ENPP2: variants seen among roughly 807,000 people sequenced by gnomAD.
ENPP2 encodes ectonucleotide pyrophosphatase/phosphodiesterase 2, also known as autotaxin.
A neutral mutation model predicts 120.2 loss-of-function variants in ENPP2; 51 were observed. The ratio of observed to expected loss-of-function variants is 0.42; its 90% CI spans 0.34 to 0.54. The LOEUF is 0.54. Among genes scored for constraint, ENPP2 ranks in the 20% least tolerant of loss-of-function variants. The pLI is 0.04. For missense variants in ENPP2, 920 were observed against 1,066.5 expected (o/e 0.86, Z 1.91); for synonymous variants, 365 against 366.4 (o/e 1.00, Z 0.04).
intron 1 of ENPP2, among the ~76,000 whole-genome samples, chr8:119,646,999 T>TC (rs1491587372): frequency 4.6e-5 from 6 of 130,718 alleles, no homozygotes; most frequent in South Asian, 2.3e-4. Context: ...AATCTCTCTC[T>TC]TTTTTTTTTT....
intron 8 of ENPP2, among the ~76,000 whole-genome samples, chr8:119,611,755 G>A (rs13265442): frequency 0.017 from 2,519 of 152,288 alleles, 35 homozygotes; most frequent in Non-Finnish European, 0.024. Context: ...GCCGGGCGCC[G>A]TGGCTCACAC....
At chr8:119,594,019 G>A (rs1222641345) in intron 11 of ENPP2, among the ~76,000 whole-genome samples, 159 bp from the exon 12 acceptor site, 1 of 152,044 alleles carries the variant, frequency 6.6e-6, no homozygotes, top group Non-Finnish European at 1.5e-5. Context: ...AATGAAATCT[G>A]GTCTAAGCAC....
chr8:119,606,742 A>G (rs1446197215), intron 9 of ENPP2, among the ~76,000 whole-genome samples: 1 of 152,104 alleles, frequency 6.6e-6, no homozygotes, highest in Non-Finnish European at 1.5e-5. Context: ...GAGTATAGAC[A>G]GTACCGTTCT....
rs1278913849 is a variant in ENPP2 at position 119,607,912 on chromosome 8, G to C, written c.833+10C>G. 3 of 1,558,490 alleles carry C rather than the reference G, an allele frequency of 1.9e-6. No individual in the cohort carries two copies. The South Asian group carries it at 3.5e-5, about 18-fold the overall frequency. On this transcript the variant is annotated intron_variant, in intron 9 of 24. Transcript: ENST00000075322. ...ATTTTATAAACATTGACAAAATAAA[G>C]GTAACTTACACAGACCAAAAGAATG... is the stretch of plus-strand genomic sequence containing the variant.
At chr8:119,572,278 G>C in intron 19 of ENPP2, 1 of 1,488,866 alleles carries the variant, frequency 6.7e-7, no homozygotes, top group Non-Finnish European at 9.2e-7. Context: ...AAAATTCTTT[G>C]AGAAGCTATT....
At chr8:119,589,564 G>T (rs58198422) in intron 13 of ENPP2, among the ~76,000 whole-genome samples, 4,625 of 152,226 alleles carry the variant, frequency 0.03, 214 homozygotes, top group African/African-American at 0.1. Flanking sequence ...CAGTCTATGC[G>T]AGGGCAGAAA....
intron 15 of ENPP2, 98 bp from the exon 16 acceptor site, chr8:119,584,147 T>G (rs1812945079): frequency 9.2e-6 from 7 of 757,754 alleles, no homozygotes; most frequent in Non-Finnish European, 1.6e-5. Context: ...AGAAGGGGCT[T>G]TTGAAAGTTT....
rs75399440 is a variant in ENPP2 at position 119,615,384 on chromosome 8, T to C, written c.777+881A>G. Among the ~76,000 whole-genome samples, 1,189 of 152,296 alleles carry C rather than the reference T, an allele frequency of 7.8e-3. 20 individuals are homozygous for C. Among genetic ancestry groups the C allele is most frequent in the African/African-American group, 0.028 (1,149 of 41,564 alleles). ...GATTCTGATACTTCTGGCCAGAAGC[T>C]TGTACACTTCAGCCCAGCTCTGCAC... On this transcript the variant is annotated intron_variant, in intron 8 of 24. Coordinates refer to ENST00000075322, the MANE Select transcript of ENPP2 (RefSeq NM_001040092.3).
intron 19 of ENPP2, among the ~76,000 whole-genome samples, chr8:119,579,798 G>A (rs1175631281): frequency 6.6e-6 from 1 of 151,988 alleles, no homozygotes; most frequent in Admixed American, 6.6e-5. Context: ...ATTTATCATT[G>A]TGACTATCAT....
intron 1 of ENPP2, among the ~76,000 whole-genome samples, chr8:119,669,756 TAGTGTGTATCTATACCTGAGAA>T (rs1221810738): frequency 1.1e-4 from 17 of 151,854 alleles, no homozygotes; most frequent in Admixed American, 1.0e-3. Context: ...CTGAGAAGAG[TAGTGTGTATCTATACCTGAGAA>T]GGACCTTGGT....
chr8:119,625,661 G>T (rs1312899715), intron 3 of ENPP2, among the ~76,000 whole-genome samples: 1 of 152,188 alleles, frequency 6.6e-6, no homozygotes. Context: ...AGCATTGACG[G>T]TTGTCTTTCT....
Position 119,612,247 on chromosome 8 carries a change from A to G in ENPP2, c.777+4018T>C, listed in dbSNP as rs990439054. Reference sequence around the variant, plus strand: ...GCCCTAACTAGGTACATTTGGATACAGTACAAAGAGAAAAAACTGCAGGTC... The same window carrying G: ...GCCCTAACTAGGTACATTTGGATACGGTACAAAGAGAAAAAACTGCAGGTC... On this transcript the variant is annotated intron_variant, in intron 8 of 24. Transcript: ENST00000075322. 4.6e-5 allele frequency among the ~76,000 whole-genome samples: 7 copies of G among 152,218 alleles called. No homozygotes were observed. The East Asian group carries it at 1.3e-3, about 29-fold the overall frequency.
intron 24 of ENPP2, among the ~76,000 whole-genome samples, chr8:119,561,460 TTCTG>T (rs1357261788): frequency 1.3e-5 from 2 of 152,234 alleles, no homozygotes; most frequent in Non-Finnish European, 2.9e-5. Flanking sequence ...TCTCTACTCC[TTCTG>T]TCATGTGAAA....
At chr8:119,617,996 A>G (rs571222914) in intron 5 of ENPP2, among the ~76,000 whole-genome samples, 29 of 152,302 alleles carry the variant, frequency 1.9e-4, no homozygotes, top group African/African-American at 6.7e-4. Flanking sequence ...TCATTTAACC[A>G]TTTAACCACA....
chr8:119,557,295 TA>T lies in ENPP2; in HGVS notation c.*225del. The T allele has an allele frequency of 2.1e-6, 1 of 467,440 alleles. No individual in the cohort carries two copies. The highest frequency in any genetic ancestry group is 3.8e-6 in the Non-Finnish European group (1 of 265,776). 29.0% of individuals were successfully genotyped at this position (467,440 alleles called of 1,614,324 possible). On this transcript the variant is annotated 3_prime_UTR_variant, in exon 25 of 25. Transcript: ENST00000075322. ...TGCAGCACCATTTAGAAGCTTCCAC[TA>T]AAAACTCAAGCTGCAGTATTTATTA... is the stretch of plus-strand genomic sequence containing the variant.
chr8:119,655,127 GAAGA>G (rs1044353841), intron 1 of ENPP2, among the ~76,000 whole-genome samples: 2 of 152,190 alleles, frequency 1.3e-5, no homozygotes, highest in Non-Finnish European at 2.9e-5. Context: ...GCTAAGAAAA[GAAGA>G]AAGAAACACA....
At chr8:119,668,308 T>C (rs1818134083) in intron 1 of ENPP2, among the ~76,000 whole-genome samples, 1 of 152,174 alleles carries the variant, frequency 6.6e-6, no homozygotes, top group Admixed American at 6.6e-5. Flanking sequence ...AATAAATTAA[T>C]GTGTAGCACC....
At chr8:119,606,873 G>A (rs754130690) in intron 9 of ENPP2, among the ~76,000 whole-genome samples, 1 of 151,488 alleles carries the variant, frequency 6.6e-6, no homozygotes, top group Non-Finnish European at 1.5e-5. Flanking sequence ...AAAAAAAGAT[G>A]GAAAGAACAT....
At position 119,557,489 on chromosome 8, in the gene ENPP2, TTGA is replaced by T. The variant is rs748324446; in HGVS notation, c.*29_*31del. ...AAACAATATAAAAATATACAACCAG[TTGA>T]TAAGACTGTACTGCAGATGCTCAGA... On this transcript the variant is annotated 3_prime_UTR_variant, in exon 25 of 25. Transcript: ENST00000075322. 7.9e-6 allele frequency: 12 copies of T among 1,524,292 alleles called. No individual in the cohort carries two copies. The African/African-American group carries it at 1.3e-4, about 16-fold the overall frequency. 94.4% of individuals were successfully genotyped at this position (1,524,292 alleles called of 1,614,324 possible).
Sources: allele counts gnomAD v4.1 joint callset (sites outside exome capture counted in the v4.1 genomes callset), GRCh38; gene constraint gnomAD v4.1.1; transcripts MANE v1.5; gene names NCBI Gene and HGNC (gene_info 2026-07-23, HGNC 2026-07-21).